DIAPH3: variants seen among roughly 807,000 people sequenced by gnomAD.
DIAPH3 encodes diaphanous related formin 3, also known as protein diaphanous homolog 3.
DIAPH3 carries 117 observed loss-of-function variants against 144.3 expected under a neutral mutation model. The observed-to-expected ratio is 0.81, with a 90% CI of 0.70 to 0.95. The LOEUF (loss-of-function observed/expected upper bound fraction) is 0.95. DIAPH3 is among the 40% of genes least tolerant of loss of function. The pLI is 0.00. For synonymous variants in DIAPH3, 519 were observed against 488.9 expected, an observed-to-expected ratio of 1.06 and a Z score of -0.81; for missense variants, 1,421 against 1,412.7, an observed-to-expected ratio of 1.01 and a Z score of -0.09.
intron 27 of DIAPH3, among the ~76,000 whole-genome samples, chr13:59,723,956 A>T (rs890148568): frequency 1.0e-5 from 1 of 98,504 alleles, no homozygotes; most frequent in Non-Finnish European, 2.1e-5. Context: ...ATGTGTTAAA[A>T]GTTAAAAAAA....
chr13:59,999,598 G>C (rs1429372508), intron 9 of DIAPH3, among the ~76,000 whole-genome samples: 1 of 152,132 alleles, frequency 6.6e-6, no homozygotes, highest in Non-Finnish European at 1.5e-5. Flanking sequence ...CCTGCTCCCA[G>C]CCAAGGCTTG....
At chr13:60,016,199 T>C (rs1279759544) in intron 5 of DIAPH3, 54 bp from the exon 6 acceptor site, 3 of 1,458,042 alleles carry the variant, frequency 2.1e-6, no homozygotes, top group African/African-American at 2.8e-5. Flanking sequence ...GCTTGTGTTA[T>C]CATATTATAT....
chr13:59,783,199 A>G (rs1326601542), intron 25 of DIAPH3, among the ~76,000 whole-genome samples: 2 of 152,204 alleles, frequency 1.3e-5, no homozygotes, highest in Non-Finnish European at 2.9e-5. Context: ...AAGTTACAGA[A>G]GTGGTGAAAA....
intron 3 of DIAPH3, among the ~76,000 whole-genome samples, chr13:60,103,129 AT>A (rs1228185706): frequency 6.6e-6 from 1 of 151,768 alleles, no homozygotes; most frequent in Non-Finnish European, 1.5e-5. Flanking sequence ...CCAAATAAAT[AT>A]TTTTCACATT....
intron 24 of DIAPH3, among the ~76,000 whole-genome samples, chr13:59,812,867 T>C (rs1222678901): frequency 6.6e-6 from 1 of 152,150 alleles, no homozygotes; most frequent in East Asian, 1.9e-4. Context: ...TACACTGAGA[T>C]ACAAGAACCA....
chr13:59,775,315 T>C (rs2038349431), intron 25 of DIAPH3, among the ~76,000 whole-genome samples: 1 of 151,884 alleles, frequency 6.6e-6, no homozygotes, highest in African/African-American at 2.4e-5. Flanking sequence ...AGATCTCTAC[T>C]CACTGCAAGC....
intron 12 of DIAPH3, among the ~76,000 whole-genome samples, chr13:59,987,328 G>T (rs1408297226): frequency 6.6e-6 from 1 of 151,542 alleles, no homozygotes; most frequent in Non-Finnish European, 1.5e-5. Context: ...ACTGTGGTGG[G>T]GTGGGGGGAG....
intron 7 of DIAPH3, chr13:60,013,290 G>C (rs949719442): frequency 1.4e-5 from 12 of 876,346 alleles, no homozygotes; most frequent in African/African-American, 3.6e-5. Flanking sequence ...GTAGAGGAAA[G>C]TTAATGCTCT....
intron 2 of DIAPH3, among the ~76,000 whole-genome samples, chr13:60,121,167 T>A (rs974294545): frequency 6.6e-6 from 1 of 152,132 alleles, no homozygotes; most frequent in African/African-American, 2.4e-5. Context: ...TTTGAAAATA[T>A]CTGATTTCTG....
intron 27 of DIAPH3, among the ~76,000 whole-genome samples, chr13:59,759,972 C>CAAAG (rs1286512080): frequency 2.6e-5 from 4 of 151,756 alleles, no homozygotes; most frequent in African/African-American, 9.7e-5. Context: ...AACAAACAAA[C>CAAAG]AAACAAACAA....
At chr13:60,095,614 G>GTT (rs78368630) in intron 3 of DIAPH3, among the ~76,000 whole-genome samples, 66 of 143,642 alleles carry the variant, frequency 4.6e-4, no homozygotes, top group Middle Eastern at 3.6e-3. Context: ...TGTTTTTTGT[G>GTT]TTTTTTTTTT....
At chr13:59,704,056 TTGTC>T (rs1422457766) in intron 27 of DIAPH3, among the ~76,000 whole-genome samples, 3 of 152,364 alleles carry the variant, frequency 2.0e-5, no homozygotes, top group South Asian at 2.1e-4. Context: ...TTTCGACTGA[TTGTC>T]TGGCAGGTTA....
At chr13:60,105,814 GT>G (rs1374415992) in intron 3 of DIAPH3, among the ~76,000 whole-genome samples, 2 of 152,160 alleles carry the variant, frequency 1.3e-5, no homozygotes, top group Non-Finnish European at 2.9e-5. Context: ...TAAGCTGCTG[GT>G]AGGAATCTAT....
chr13:60,071,472 T>C (rs561839945), intron 4 of DIAPH3, among the ~76,000 whole-genome samples: 4 of 152,354 alleles, frequency 2.6e-5, no homozygotes, highest in African/African-American at 9.6e-5. Flanking sequence ...CAGAAAGGTT[T>C]CCTGCACTAA....
chr13:59,991,141 A>T lies in DIAPH3; in HGVS notation c.1361+17T>A. On this transcript the variant is annotated intron_variant, in intron 12 of 27. Transcript: ENST00000400324. Reference sequence around the variant, plus strand: ...TTTATTAGTGAAAGAAAACATTAGAATACAACTTCCTCTTACCTTATAAAA... The same window carrying T: ...TTTATTAGTGAAAGAAAACATTAGATTACAACTTCCTCTTACCTTATAAAA... The T allele has an allele frequency of 6.8e-7, 1 of 1,481,262 alleles. No homozygotes were observed. The allele number at this position is 1,481,262 out of a possible 1,614,324, so 91.8% of individuals were successfully genotyped here. A position where few individuals can be genotyped will look rare whatever the true frequency, so the allele number is the denominator to read the frequency against.
intron 2 of DIAPH3, among the ~76,000 whole-genome samples, chr13:60,115,605 T>C (rs2138096440): frequency 6.6e-6 from 1 of 152,302 alleles, no homozygotes; most frequent in East Asian, 1.9e-4. Context: ...CACATTTCTC[T>C]TGACTGCAAA....
intron 4 of DIAPH3, among the ~76,000 whole-genome samples, chr13:60,044,615 G>A (rs552977641): frequency 1.3e-5 from 2 of 152,206 alleles, no homozygotes; most frequent in African/African-American, 4.8e-5. Context: ...ACACAGAAAA[G>A]CAACAGGAAC....
chr13:60,104,891 C>G (rs967616493), intron 3 of DIAPH3, among the ~76,000 whole-genome samples: 1 of 151,838 alleles, frequency 6.6e-6, no homozygotes, highest in Non-Finnish European at 1.5e-5. Context: ...GTCAGGAGAT[C>G]GAGACCATCC....
chr13:59,979,067 C>G (rs2050836251), intron 14 of DIAPH3, among the ~76,000 whole-genome samples: 1 of 151,294 alleles, frequency 6.6e-6, no homozygotes, highest in Non-Finnish European at 1.5e-5. Flanking sequence ...CTGATATATA[C>G]AAAATGATAT....
Sources: allele counts gnomAD v4.1 joint callset (sites outside exome capture counted in the v4.1 genomes callset), GRCh38; gene constraint gnomAD v4.1.1; transcripts MANE v1.5; gene names NCBI Gene and HGNC (gene_info 2026-07-23, HGNC 2026-07-21).